The following ST3GAL3 variants were observed in gnomAD, a reference collection of about 807,000 sequenced individuals.
ST3GAL3 encodes ST3 beta-galactoside alpha-2,3-sialyltransferase 3.
A neutral mutation model predicts 50.1 loss-of-function variants in ST3GAL3; 21 were observed. The ratio of observed to expected loss-of-function variants is 0.42; its 90% confidence interval spans 0.30 to 0.60. The LOEUF (loss-of-function observed/expected upper bound fraction) is 0.60, where lower values mean the gene tolerates loss of function less well. Among genes scored for constraint, ST3GAL3 ranks in the 20% least tolerant of loss-of-function variants. The pLI, the probability that ST3GAL3 is intolerant of heterozygous loss-of-function variation, is 0.19. For synonymous variants in ST3GAL3, 183 were observed against 190.0 expected (o/e 0.96, Z 0.30); for missense variants, 353 against 489.4 (o/e 0.72, Z 2.63).
intron 3 of ST3GAL3, among the ~76,000 whole-genome samples, chr1:43,799,347 G>T (rs1444103409): frequency 6.6e-6 from 1 of 152,106 alleles, no homozygotes; most frequent in Non-Finnish European, 1.5e-5. Context: ...ATTGCTTTGT[G>T]ATTGTCGTAG....
intron 3 of ST3GAL3, among the ~76,000 whole-genome samples, chr1:43,797,942 T>C (rs1228791954): frequency 6.6e-6 from 1 of 152,188 alleles, no homozygotes; most frequent in Non-Finnish European, 1.5e-5. Flanking sequence ...GTACTAGCAA[T>C]GAGCAGTTGA....
At chr1:43,715,238 T>G (rs1666791332) in intron 1 of ST3GAL3, among the ~76,000 whole-genome samples, 1 of 152,130 alleles carries the variant, frequency 6.6e-6, no homozygotes, top group African/African-American at 2.4e-5. Flanking sequence ...TCTGTCGATA[T>G]TTAATGTTTT....
chr1:43,788,693 T>C (rs1186848147), intron 2 of ST3GAL3, among the ~76,000 whole-genome samples: 1 of 152,234 alleles, frequency 6.6e-6, no homozygotes, highest in Non-Finnish European at 1.5e-5. Flanking sequence ...ATAAACATAT[T>C]GACCACTTTG....
chr1:43,755,353 C>T (rs1572189930), intron 2 of ST3GAL3, among the ~76,000 whole-genome samples: 1 of 152,188 alleles, frequency 6.6e-6, no homozygotes, highest in Admixed American at 6.5e-5. Context: ...TAGATAATGT[C>T]ACGTGTTGGC....
intron 4 of ST3GAL3, among the ~76,000 whole-genome samples, chr1:43,823,749 A>T (rs892562753): frequency 7.9e-5 from 12 of 152,320 alleles, no homozygotes; most frequent in African/African-American, 2.6e-4. Flanking sequence ...TTAGTGATCA[A>T]TTAATAAATA....
chr1:43,753,437 C>T (rs992750664), intron 2 of ST3GAL3, among the ~76,000 whole-genome samples: 1 of 152,150 alleles, frequency 6.6e-6, no homozygotes, highest in Non-Finnish European at 1.5e-5. Context: ...GATTCCATGT[C>T]GTGTGTCACA....
intron 1 of ST3GAL3, among the ~76,000 whole-genome samples, chr1:43,735,096 T>C (rs999367386): frequency 6.6e-6 from 1 of 151,960 alleles, no homozygotes; most frequent in Admixed American, 6.6e-5. Flanking sequence ...AAGAGATGGA[T>C]TGGAGAGTAA....
chr1:43,806,442 C>T (rs979647818), intron 3 of ST3GAL3, among the ~76,000 whole-genome samples: 5 of 151,974 alleles, frequency 3.3e-5, no homozygotes, highest in Middle Eastern at 3.4e-3. Flanking sequence ...AAAGCAATGA[C>T]GGGATAGGGA....
chr1:43,799,124 G>A (rs1387737280), intron 3 of ST3GAL3, among the ~76,000 whole-genome samples: 1 of 152,190 alleles, frequency 6.6e-6, no homozygotes, highest in East Asian at 1.9e-4. Context: ...TACATATACA[G>A]TATTTATGGA....
At chr1:43,742,176 G>A (rs1449905514) in intron 2 of ST3GAL3, among the ~76,000 whole-genome samples, 1 of 152,114 alleles carries the variant, frequency 6.6e-6, no homozygotes, top group African/African-American at 2.4e-5. Context: ...TGCCAGGAAC[G>A]CTGATGGTCC....
At chr1:43,715,712 T>C (rs1210651755) in intron 1 of ST3GAL3, among the ~76,000 whole-genome samples, 1 of 152,096 alleles carries the variant, frequency 6.6e-6, no homozygotes, top group Non-Finnish European at 1.5e-5. Flanking sequence ...TGCCTGAGCC[T>C]AGGAGGTTGA....
intron 5 of ST3GAL3, among the ~76,000 whole-genome samples, chr1:43,854,009 C>A (rs2067859387): frequency 6.6e-6 from 1 of 152,136 alleles, no homozygotes; most frequent in Non-Finnish European, 1.5e-5. Flanking sequence ...TCTCTCTCTG[C>A]CCTTCCAGAA....
At chr1:43,765,016 AAAAAT>A (rs1692020211) in intron 2 of ST3GAL3, among the ~76,000 whole-genome samples, 1 of 151,924 alleles carries the variant, frequency 6.6e-6, no homozygotes, top group African/African-American at 2.4e-5. Flanking sequence ...CTTTAAGAAT[AAAAAT>A]AAAAATAATT....
chr1:43,906,768 G>C (rs1571202095), intron 9 of ST3GAL3, among the ~76,000 whole-genome samples: 1 of 152,044 alleles, frequency 6.6e-6, no homozygotes. Context: ...CACTTATTAA[G>C]CTCTTCAGTT....
intron 5 of ST3GAL3, among the ~76,000 whole-genome samples, chr1:43,852,919 A>G (rs1426814351): frequency 6.6e-6 from 1 of 152,240 alleles, no homozygotes; most frequent in Non-Finnish European, 1.5e-5. Flanking sequence ...CTGTTTTCTC[A>G]GTGACTTTCA....
chr1:43,718,440 C>T (rs57027671), intron 1 of ST3GAL3, among the ~76,000 whole-genome samples: 11,103 of 151,446 alleles, frequency 0.073, 1,362 homozygotes, highest in African/African-American at 0.26. Flanking sequence ...CCGCCCGCCT[C>T]GGCCTCTCAA....
intron 9 of ST3GAL3, among the ~76,000 whole-genome samples, chr1:43,901,577 C>T (rs2078280097): frequency 6.6e-6 from 1 of 152,232 alleles, no homozygotes; most frequent in Non-Finnish European, 1.5e-5. Context: ...GGAGAACTCA[C>T]TATACTCAGG....
intron 5 of ST3GAL3, among the ~76,000 whole-genome samples, chr1:43,866,007 A>G (rs924758072): frequency 1.3e-5 from 2 of 152,178 alleles, no homozygotes; most frequent in African/African-American, 2.4e-5. Context: ...GGCCACAGGC[A>G]ACCAGAGCCA....
intron 5 of ST3GAL3, chr1:43,842,145 A>G (rs2065485108): frequency 6.6e-6 from 1 of 152,242 alleles, no homozygotes; most frequent in African/African-American, 2.4e-5. Flanking sequence ...TTCATTGGCC[A>G]TATCCCTATC....
Sources: gnomAD v4.1 joint callset for allele counts (sites outside exome capture counted in the v4.1 genomes callset) on GRCh38, gnomAD v4.1.1 for gene constraint, MANE v1.5 for transcripts, NCBI Gene and HGNC (gene_info 2026-07-23, HGNC 2026-07-21) for gene names.